The following ZMYM2 variants were observed in gnomAD, a reference collection of about 807,000 sequenced individuals.
ZMYM2 encodes zinc finger MYM-type protein 2.
Under a neutral mutation model 162.8 loss-of-function variants are expected in ZMYM2, and 56 were observed. The ratio of observed to expected loss-of-function variants is 0.34; its 90% confidence interval spans 0.28 to 0.43. The LOEUF (loss-of-function observed/expected upper bound fraction) is 0.43, where lower values mean the gene tolerates loss of function less well. Ranked by LOEUF, ZMYM2 falls within the 20% of genes least tolerant of loss-of-function variation. ZMYM2 has a pLI of 1.00. For synonymous variants in ZMYM2, 510 were observed against 541.6 expected (o/e 0.94, Z 0.81); for missense variants, 1,275 against 1,621.8 (o/e 0.79, Z 3.67).
At chr13:20,024,700 C>CAAA in intron 7 of ZMYM2, 1 of 200,654 alleles carries the variant, frequency 5.0e-6, no homozygotes, top group Non-Finnish European at 1.0e-5. Flanking sequence ...AGGAAACAAA[C>CAAA]AAAAAAAAAA....
At chr13:20,056,718 C>T (rs1379932052) in intron 14 of ZMYM2, among the ~76,000 whole-genome samples, 1 of 152,130 alleles carries the variant, frequency 6.6e-6, no homozygotes, top group East Asian at 1.9e-4. Flanking sequence ...TAATGTGCAT[C>T]ACACAGCAAA....
chr13:19,983,740 C>A (rs116558953), intron 2 of ZMYM2, among the ~76,000 whole-genome samples: 1 of 152,040 alleles, frequency 6.6e-6, no homozygotes, highest in Middle Eastern at 3.2e-3. Flanking sequence ...GTGATCCTCC[C>A]GCCTCAGTCC....
chr13:19,911,501 CTTTA>C, the ZMYM2 span, among the ~76,000 whole-genome samples: 1 of 152,248 alleles, frequency 6.6e-6, no homozygotes, highest in African/African-American at 2.4e-5. Context: ...CCGAAGGGAC[CTTTA>C]GCTTTTTATC....
Position 19,993,185 on chromosome 13 carries a change from C to T in ZMYM2, c.113C>T (p.Pro38Leu), listed in dbSNP as rs1017197060. 6.2e-7 allele frequency: 1 copy of T among 1,614,124 alleles called. No individual in the cohort carries two copies. The highest frequency in any genetic ancestry group is 8.5e-7 in the Non-Finnish European group (1 of 1,180,016). ...LTNVGNSFSG[P>L]ANPLVSRSNK... ...AATGTAGGAAACTCATTTAGTGGTC[C>T]AGCTAATCCTTTAGTGTCTAGATCT... The change falls in exon 3 of 25, where the codon CCA (proline) becomes CTA (leucine). Residue 38 changes from proline (P) to leucine (L), a missense_variant. Transcript: ENST00000610343.
At chr13:19,902,513 G>A in the ZMYM2 span, among the ~76,000 whole-genome samples, 1 of 152,102 alleles carries the variant, frequency 6.6e-6, no homozygotes, top group Non-Finnish European at 1.5e-5. Flanking sequence ...CTACTCGGGA[G>A]GCTGAGGCAG....
chr13:19,979,328 A>G (rs1467603729), intron 2 of ZMYM2, among the ~76,000 whole-genome samples: 2 of 151,954 alleles, frequency 1.3e-5, no homozygotes, highest in Admixed American at 6.6e-5. Context: ...TGTTTCTTCA[A>G]ATGTTTTGTT....
the ZMYM2 span, among the ~76,000 whole-genome samples, chr13:19,871,973 T>C: frequency 2.0e-5 from 3 of 151,948 alleles, no homozygotes; most frequent in East Asian, 5.8e-4. Context: ...ATTATTATTA[T>C]TTTATTTTTA....
At chr13:19,993,006 A>G in intron 2 of ZMYM2, 57 bp from the exon 3 acceptor site, 1 of 1,501,128 alleles carries the variant, frequency 6.7e-7, no homozygotes, top group African/African-American at 1.4e-5. Flanking sequence ...GGTTTCAGTT[A>G]GAGTAACATA....
chr13:20,064,448 C>T lies in ZMYM2; in HGVS notation c.3038-3C>T. On this transcript the variant is annotated splice_region_variant and splice_polypyrimidine_tract_variant and intron_variant, in intron 18 of 24. Transcript: ENST00000610343. Reference sequence around the variant, plus strand: ...AAAATAAAAGTTCTGATTTGGTTGTCAGCTGCTGAGGAGCTTGATATGGAA... The same window carrying T: ...AAAATAAAAGTTCTGATTTGGTTGTTAGCTGCTGAGGAGCTTGATATGGAA... 6.3e-7 allele frequency: 1 copy of T among 1,585,732 alleles called. No homozygotes were observed. Among genetic ancestry groups the T allele is most frequent in the Non-Finnish European group, 8.6e-7 (1 of 1,165,140 alleles).
At chr13:20,026,828 C>T in intron 8 of ZMYM2, 66 bp downstream of exon 8, 1 of 1,456,748 alleles carries the variant, frequency 6.9e-7, no homozygotes, top group South Asian at 1.4e-5. Context: ...CATAAATACT[C>T]ATTTGATGTT....
At chr13:19,933,120 T>G in the ZMYM2 span, among the ~76,000 whole-genome samples, 1 of 152,048 alleles carries the variant, frequency 6.6e-6, no homozygotes, top group African/African-American at 2.4e-5. Context: ...AGCTAATTTA[T>G]TTTTTATTTA....
the ZMYM2 span, among the ~76,000 whole-genome samples, chr13:19,938,760 G>C: frequency 6.6e-6 from 1 of 151,436 alleles, no homozygotes; most frequent in African/African-American, 2.4e-5. Flanking sequence ...ATTCCAGCCT[G>C]AGTCAGCTTA....
the ZMYM2 span, among the ~76,000 whole-genome samples, chr13:19,937,115 A>T: frequency 2.6e-5 from 4 of 152,094 alleles, no homozygotes; most frequent in Admixed American, 2.6e-4. Context: ...AAAAAATTTT[A>T]AAAATATATG....
chr13:20,041,622 T>C (rs1954255313), intron 12 of ZMYM2, among the ~76,000 whole-genome samples: 1 of 152,198 alleles, frequency 6.6e-6, no homozygotes, highest in Non-Finnish European at 1.5e-5. Context: ...CAGACTTGTT[T>C]ATGTGGTTGC....
At chr13:19,944,291 C>A in the ZMYM2 span, among the ~76,000 whole-genome samples, 2 of 152,034 alleles carry the variant, frequency 1.3e-5, no homozygotes, top group Non-Finnish European at 2.9e-5. Flanking sequence ...GTGAAAATAA[C>A]CTCTTATTAT....
chr13:19,974,056 C>T (rs921705553), intron 2 of ZMYM2, among the ~76,000 whole-genome samples: 1 of 152,150 alleles, frequency 6.6e-6, no homozygotes, highest in Non-Finnish European at 1.5e-5. Flanking sequence ...TTTAGTTTGT[C>T]TCCAGATTAA....
Position 19,971,248 on chromosome 13 carries a change from A to G in ZMYM2, c.-11+11222A>G, listed in dbSNP as rs9552055. Among the ~76,000 whole-genome samples the G allele has an allele frequency of 5.5e-3, 373 of 67,492 alleles. 5 individuals carry two copies. The highest frequency in any genetic ancestry group is 0.011 in the East Asian group (7 of 654). The allele number at this position is 67,492 out of a possible 152,430, so 44.3% of individuals were successfully genotyped here. On this transcript the variant is annotated intron_variant, in intron 2 of 24. Coordinates refer to ENST00000610343, the MANE Select transcript of ZMYM2 (RefSeq NM_197968.4). ...TATATATGTGTGTGTGTGTGTGTAT[A>G]TATATATATATATATTTTTTTTTTT...
the ZMYM2 span, among the ~76,000 whole-genome samples, chr13:19,865,667 T>C: frequency 6.6e-6 from 1 of 152,218 alleles, no homozygotes; most frequent in Non-Finnish European, 1.5e-5. Context: ...TTTTTCACAA[T>C]TTTTTGGCAT....
chr13:20,036,187 C>T (rs954693956), intron 11 of ZMYM2, among the ~76,000 whole-genome samples: 2 of 151,624 alleles, frequency 1.3e-5, no homozygotes, highest in East Asian at 1.9e-4. Flanking sequence ...ATACTTAATG[C>T]GTTTATGTAG....
Sources: gnomAD v4.1 joint callset for allele counts (sites outside exome capture counted in the v4.1 genomes callset) on GRCh38, gnomAD v4.1.1 for gene constraint, MANE v1.5 for transcripts, NCBI Gene and HGNC (gene_info 2026-07-23, HGNC 2026-07-21) for gene names.